SLC36A1: variants seen among roughly 807,000 people sequenced by gnomAD.
SLC36A1 encodes solute carrier family 36 member 1.
SLC36A1 carries 30 observed loss-of-function variants against 47.5 expected under a neutral mutation model. The observed-to-expected ratio is 0.63, with a 90% CI of 0.47 to 0.86. The LOEUF (loss-of-function observed/expected upper bound fraction) is 0.86, where lower values mean the gene tolerates loss of function less well. Among genes scored for constraint, SLC36A1 ranks in the 40% least tolerant of loss-of-function variants. The pLI is 0.00. For missense variants in SLC36A1, 517 were observed against 606.0 expected (o/e 0.85, Z 1.54); for synonymous variants, 255 against 249.7 (o/e 1.02, Z -0.20).
At chr5:151,554,604 C>T in the SLC36A1 span, 113 of 1,614,150 alleles carry the variant, frequency 7.0e-5, 1 homozygote, top group East Asian at 1.4e-3. Context: ...TTGTCATTGA[C>T]GTCCAAGATG....
chr5:151,499,674 G>A, the SLC36A1 span, among the ~76,000 whole-genome samples: 1 of 152,078 alleles, frequency 6.6e-6, no homozygotes, highest in Non-Finnish European at 1.5e-5. Context: ...GCACTGCCCT[G>A]ATGCCTGGAA....
intron 10 of SLC36A1, chr5:151,479,854 G>C: frequency 1.9e-6 from 1 of 523,790 alleles, no homozygotes; most frequent in Non-Finnish European, 3.3e-6. Context: ...TCTGATGAAG[G>C]GTACTTATTT....
chr5:151,506,077 C>T, the SLC36A1 span: 23 of 1,527,744 alleles, frequency 1.5e-5, no homozygotes, highest in East Asian at 2.0e-4. Flanking sequence ...GGGGGCCAGA[C>T]CATGGCTCCG....
chr5:151,354,304 A>G, the SLC36A1 span, among the ~76,000 whole-genome samples: 11,127 of 152,246 alleles, frequency 0.073, 962 homozygotes, highest in African/African-American at 0.21. Context: ...ATTCTGTCTC[A>G]AATAAACAAA....
At chr5:151,353,072 G>T in the SLC36A1 span, among the ~76,000 whole-genome samples, 3 of 152,214 alleles carry the variant, frequency 2.0e-5, no homozygotes, top group Admixed American at 1.3e-4. Flanking sequence ...GAGAAAAAGA[G>T]ATTCTCTTTG....
the SLC36A1 span, among the ~76,000 whole-genome samples, chr5:151,416,666 G>A: frequency 6.6e-6 from 1 of 152,098 alleles, no homozygotes; most frequent in African/African-American, 2.4e-5. Context: ...GTGTCAGGGT[G>A]TCCCCTGGCT....
chr5:151,553,455 C>G, the SLC36A1 span: 4 of 1,413,704 alleles, frequency 2.8e-6, no homozygotes, highest in African/African-American at 4.3e-5. Context: ...GCAGCCAGGA[C>G]AGGAACCAGA....
chr5:151,399,065 A>AATATATATATATATATATATATATAT, the SLC36A1 span, among the ~76,000 whole-genome samples: 8 of 66,594 alleles, frequency 1.2e-4, no homozygotes, highest in African/African-American at 2.1e-4. Context: ...TGTGTGTGTA[A>AATATATATATATATATATATATATAT]ATATATATAT....
chr5:151,555,556 G>C, the SLC36A1 span, among the ~76,000 whole-genome samples: 2 of 151,674 alleles, frequency 1.3e-5, no homozygotes, highest in African/African-American at 4.8e-5. Context: ...TTTTAGTACA[G>C]ATGGGGTTTC....
At chr5:151,395,874 A>G in the SLC36A1 span, among the ~76,000 whole-genome samples, 1 of 152,150 alleles carries the variant, frequency 6.6e-6, no homozygotes, top group Non-Finnish European at 1.5e-5. Flanking sequence ...CAGTGGCACA[A>G]TCTGGGCTCA....
chr5:151,402,490 A>G, the SLC36A1 span, among the ~76,000 whole-genome samples: 1 of 152,138 alleles, frequency 6.6e-6, no homozygotes, highest in Non-Finnish European at 1.5e-5. Flanking sequence ...TGGTATCAGT[A>G]TGATACTGAC....
At chr5:151,484,533 G>T (rs966105704) in intron 10 of SLC36A1, among the ~76,000 whole-genome samples, 1 of 152,206 alleles carries the variant, frequency 6.6e-6, no homozygotes, top group African/African-American at 2.4e-5. Flanking sequence ...TAACACTGGA[G>T]TGTATAGTTC....
At chr5:151,505,909 G>T in the SLC36A1 span, 19 of 1,590,284 alleles carry the variant, frequency 1.2e-5, no homozygotes, top group South Asian at 2.2e-4. Flanking sequence ...AGAGGTGCCC[G>T]CTTGTTTTCC....
At chr5:151,513,293 CAT>C in the SLC36A1 span, among the ~76,000 whole-genome samples, 2 of 152,178 alleles carry the variant, frequency 1.3e-5, no homozygotes, top group African/African-American at 2.4e-5. Flanking sequence ...GACATACACT[CAT>C]ATGTTGATTG....
At chr5:151,416,573 C>T in the SLC36A1 span, among the ~76,000 whole-genome samples, 1 of 152,162 alleles carries the variant, frequency 6.6e-6, no homozygotes, top group Admixed American at 6.5e-5. Flanking sequence ...ATTATTCAAT[C>T]TGTTGCCACC....
the SLC36A1 span, chr5:151,506,050 C>T: frequency 3.2e-6 from 5 of 1,558,602 alleles, no homozygotes; most frequent in African/African-American, 1.4e-5. Context: ...TCCCAGCGTT[C>T]GTTCCTGGAG....
upstream of SLC36A1, among the ~76,000 whole-genome samples, chr5:151,446,982 A>G (rs1278344821): frequency 6.6e-6 from 1 of 152,086 alleles, no homozygotes; most frequent in Non-Finnish European, 1.5e-5. Context: ...TGTCTTCTTG[A>G]TGAATTGACC....
At chr5:151,360,254 G>C in the SLC36A1 span, among the ~76,000 whole-genome samples, 1 of 152,204 alleles carries the variant, frequency 6.6e-6, no homozygotes, top group South Asian at 2.1e-4. Context: ...ATTACTAATG[G>C]TTTACTATTT....
intron 1 of SLC36A1, among the ~76,000 whole-genome samples, chr5:151,439,124 G>A (rs555212698): frequency 6.6e-6 from 1 of 152,064 alleles, no homozygotes; most frequent in Non-Finnish European, 1.5e-5. Context: ...GCAGGAGAGA[G>A]AGAGAGAGAG....
Sources: gnomAD v4.1 joint callset for allele counts (sites outside exome capture counted in the v4.1 genomes callset) on GRCh38, gnomAD v4.1.1 for gene constraint, MANE v1.5 for transcripts, NCBI Gene and HGNC (gene_info 2026-07-23, HGNC 2026-07-21) for gene names.